The following PIK3C2G variants were observed in gnomAD, a reference collection of about 807,000 sequenced individuals.
PIK3C2G encodes phosphatidylinositol-4-phosphate 3-kinase catalytic subunit type 2 gamma, also known as phosphatidylinositol 3-kinase C2 domain-containing subunit gamma.
In PIK3C2G, 168 loss-of-function variants were observed where a neutral mutation model predicts 181.1. That is an observed-to-expected ratio of 0.93 (90% CI 0.82 to 1.05). PIK3C2G has a LOEUF of 1.05. Ranked by LOEUF, PIK3C2G falls within the 50% of genes least tolerant of loss-of-function variation. The pLI is 0.00. For synonymous variants in PIK3C2G, 573 were observed against 592.2 expected (o/e 0.97, Z 0.47); for missense variants, 1,869 against 1,732.8 (o/e 1.08, Z -1.40).
chr12:18,372,285 GAGGAC>G, intron 13 of PIK3C2G, among the ~76,000 whole-genome samples: 1 of 151,928 alleles, frequency 6.6e-6, no homozygotes, highest in East Asian at 1.9e-4. Flanking sequence ...ATTGTTCCTT[GAGGAC>G]AGGGAATGTA....
At chr12:18,325,478 G>C (rs1951297258) in intron 8 of PIK3C2G, among the ~76,000 whole-genome samples, 1 of 152,132 alleles carries the variant, frequency 6.6e-6, no homozygotes, top group African/African-American at 2.4e-5. Flanking sequence ...GGAGTCCGAG[G>C]TGTGCAGATC....
chr12:18,383,608 G>A (rs1456421683), intron 14 of PIK3C2G, among the ~76,000 whole-genome samples: 2 of 152,176 alleles, frequency 1.3e-5, no homozygotes, highest in African/African-American at 4.8e-5. Flanking sequence ...AATATGGCAA[G>A]TTAGTTAAGA....
rs552126219 is a variant in PIK3C2G at position 18,287,212 on chromosome 12, G to A, written c.761+283G>A. The stretch of plus-strand genomic sequence containing the variant: ...TTGTTTGTTGGTGGTTTGGTTTGCA[G>A]TGAATTTTTTTTTTTGTTTAATGAC... On this transcript the variant is annotated intron_variant, in intron 3 of 32. Transcript: ENST00000538779. Among the ~76,000 whole-genome samples, 8 of 152,078 alleles carry A rather than the reference G, an allele frequency of 5.3e-5. 1 individual carries two copies. In the South Asian group the frequency reaches 1.7e-3, roughly 32 times the overall value.
the PIK3C2G span, among the ~76,000 whole-genome samples, chr12:18,708,364 G>A: frequency 3.3e-5 from 5 of 151,648 alleles, no homozygotes; most frequent in African/African-American, 1.2e-4. Context: ...TGTAAAGACT[G>A]AATCATATTC....
intron 25 of PIK3C2G, among the ~76,000 whole-genome samples, chr12:18,539,042 C>A (rs1035428623): frequency 7.2e-5 from 11 of 152,008 alleles, no homozygotes; most frequent in African/African-American, 2.6e-4. Flanking sequence ...GGGAAACATA[C>A]ATTTGGTCTA....
At chr12:18,680,827 A>T in the PIK3C2G span, among the ~76,000 whole-genome samples, 1 of 152,044 alleles carries the variant, frequency 6.6e-6, no homozygotes, top group African/African-American at 2.4e-5. Flanking sequence ...GGAGATTTCA[A>T]AAAAGTAGAG....
Position 18,557,430 on chromosome 12 carries a change from A to T in PIK3C2G, c.3591-5273A>T, listed in dbSNP as rs115889762. On this transcript the variant is annotated intron_variant, in intron 26 of 32. Transcript: ENST00000538779. ...AAAATATATGATCACCTAAATAGAT[A>T]CAGAAAGTGTAGTTAATAAAATGTA... Among the ~76,000 whole-genome samples the T allele has an allele frequency of 3.1e-3, 479 of 152,264 alleles. 2 individuals are homozygous for T. The highest frequency in any genetic ancestry group is 0.011 in the African/African-American group (458 of 41,586).
At chr12:18,279,945 G>T (rs576563015) in intron 1 of PIK3C2G, among the ~76,000 whole-genome samples, 1 of 151,920 alleles carries the variant, frequency 6.6e-6, no homozygotes, top group Non-Finnish European at 1.5e-5. Flanking sequence ...TTCCTTAGGT[G>T]ATTATGATTT....
chr12:18,391,084 C>T (rs1241688155), intron 14 of PIK3C2G, 38 bp from the exon 15 acceptor site: 10 of 1,508,280 alleles, frequency 6.6e-6, no homozygotes, highest in Non-Finnish European at 4.4e-6. Flanking sequence ...TATTTTGAGA[C>T]ACCTTCAACA....
At chr12:18,382,857 T>G (rs916876585) in intron 14 of PIK3C2G, among the ~76,000 whole-genome samples, 1 of 152,064 alleles carries the variant, frequency 6.6e-6, no homozygotes, top group Non-Finnish European at 1.5e-5. Context: ...GTTTGGGACA[T>G]AGAGTTGAGA....
At chr12:18,556,669 G>A (rs974727241) in intron 26 of PIK3C2G, among the ~76,000 whole-genome samples, 4 of 152,118 alleles carry the variant, frequency 2.6e-5, no homozygotes, top group Admixed American at 2.0e-4. Context: ...GAATGGTAGA[G>A]TCTCCATAAA....
intron 11 of PIK3C2G, among the ~76,000 whole-genome samples, chr12:18,350,174 C>A (rs954742712): frequency 6.6e-6 from 1 of 151,968 alleles, no homozygotes; most frequent in Non-Finnish European, 1.5e-5. Context: ...GAGTCCAGAG[C>A]AATTAGTGGC....
At chr12:18,372,132 C>T (rs1424482045) in intron 13 of PIK3C2G, among the ~76,000 whole-genome samples, 1 of 151,772 alleles carries the variant, frequency 6.6e-6, no homozygotes, top group Non-Finnish European at 1.5e-5. Context: ...AAATTATTAT[C>T]AGCAACCATA....
intron 5 of PIK3C2G, among the ~76,000 whole-genome samples, chr12:18,301,677 T>C (rs772284599): frequency 7.9e-5 from 12 of 152,150 alleles, no homozygotes; most frequent in South Asian, 4.1e-4. Flanking sequence ...TTTTTTCATA[T>C]CATTATTTTA....
At chr12:18,285,244 A>G (rs977234974) in intron 2 of PIK3C2G, 1 of 152,120 alleles carries the variant, frequency 6.6e-6, no homozygotes, top group Non-Finnish European at 1.5e-5. Flanking sequence ...AAGAAAATAA[A>G]ACATACTTCT....
Position 18,421,626 on chromosome 12 carries a change from T to A in PIK3C2G, c.2409+592T>A, listed in dbSNP as rs116384005. On this transcript the variant is annotated intron_variant, in intron 17 of 32. Coordinates refer to ENST00000538779, the MANE Select transcript of PIK3C2G (RefSeq NM_001288772.2). ...AAATTAAACATGCCACACATGACCA[T>A]GTAAATAACAGAGTATCTAATAGAT... 7.6e-3 allele frequency among the ~76,000 whole-genome samples: 1,158 copies of A among 152,154 alleles called. 16 individuals are homozygous for A. Among genetic ancestry groups the A allele is most frequent in the African/African-American group, 0.027 (1,103 of 41,552 alleles).
At chr12:18,600,041 A>G (rs558322085) in intron 30 of PIK3C2G, among the ~76,000 whole-genome samples, 1 of 152,124 alleles carries the variant, frequency 6.6e-6, no homozygotes, top group Non-Finnish European at 1.5e-5. Flanking sequence ...AAATGGAAAA[A>G]CCTAAGTAGA....
chr12:18,272,313 T>C (rs1327303856), intron 1 of PIK3C2G, among the ~76,000 whole-genome samples: 2 of 152,118 alleles, frequency 1.3e-5, no homozygotes, highest in Non-Finnish European at 2.9e-5. Context: ...GGTAATTAAA[T>C]CTAGAGGCTT....
chr12:18,428,507 CA>C (rs1483333293), intron 18 of PIK3C2G, among the ~76,000 whole-genome samples: 1 of 152,114 alleles, frequency 6.6e-6, no homozygotes, highest in African/African-American at 2.4e-5. Flanking sequence ...ACCAATTATT[CA>C]CCAAGCCCTA....
Sources: allele counts gnomAD v4.1 joint callset (sites outside exome capture counted in the v4.1 genomes callset), GRCh38; gene constraint gnomAD v4.1.1; transcripts MANE v1.5; gene names NCBI Gene and HGNC (gene_info 2026-07-23, HGNC 2026-07-21).